Variants in PGS1 observed in about 807,000 individuals in gnomAD.
The protein encoded by PGS1 is CDP-diacylglycerol--glycerol-3-phosphate 3-phosphatidyltransferase, mitochondrial.
Under a neutral mutation model 58.3 loss-of-function variants are expected in PGS1, and 44 were observed. The observed-to-expected ratio is 0.75, with a 90% confidence interval of 0.59 to 0.97. PGS1 has a LOEUF of 0.97. PGS1 is among the 50% of genes least tolerant of loss of function. The pLI, the probability that PGS1 is intolerant of heterozygous loss-of-function variation, is 0.00. For synonymous variants in PGS1, 330 were observed against 311.0 expected, an observed-to-expected ratio of 1.06 and a Z score of -0.64; for missense variants, 684 against 731.1, an observed-to-expected ratio of 0.94 and a Z score of 0.74.
chr17:78,416,159 G>T (rs987961668), intron 8 of PGS1, among the ~76,000 whole-genome samples: 2 of 152,202 alleles, frequency 1.3e-5, no homozygotes, highest in African/African-American at 2.4e-5. Context: ...AAGAGGAAGT[G>T]AAGCGGTCAT....
chr17:78,398,182 G>A (rs990706353), intron 3 of PGS1, 70 bp from the exon 4 acceptor site: 51 of 1,128,782 alleles, frequency 4.5e-5, no homozygotes, highest in African/African-American at 9.2e-5. Context: ...CCGATGGGGC[G>A]ATTTGTTTTT....
intron 7 of PGS1, among the ~76,000 whole-genome samples, chr17:78,411,696 A>C (rs1801779151): frequency 6.6e-6 from 1 of 152,094 alleles, no homozygotes; most frequent in South Asian, 2.1e-4. Context: ...CCCAAAGGTC[A>C]GGCCCTGGGA....
intron 2 of PGS1, among the ~76,000 whole-genome samples, chr17:78,393,813 C>T (rs942504869): frequency 5.3e-5 from 8 of 152,170 alleles, no homozygotes; most frequent in Non-Finnish European, 2.9e-5. Context: ...GGTTAAACTG[C>T]TCATTGGAAT....
chr17:78,383,109 AATC>A (rs1673915187), intron 1 of PGS1, among the ~76,000 whole-genome samples: 1 of 152,152 alleles, frequency 6.6e-6, no homozygotes, highest in South Asian at 2.1e-4. Flanking sequence ...ATACATGCAG[AATC>A]ATCTTTATGT....
intron 7 of PGS1, among the ~76,000 whole-genome samples, chr17:78,411,975 G>T (rs2084755455): frequency 6.7e-6 from 1 of 148,812 alleles, no homozygotes; most frequent in South Asian, 2.1e-4. Context: ...TGCAGTGGGG[G>T]TAATCTTAGC....
chr17:78,421,595 G>T (rs1270827209), intron 9 of PGS1: 1 of 152,262 alleles, frequency 6.6e-6, no homozygotes, highest in Non-Finnish European at 1.5e-5. Flanking sequence ...TAGTTATTAC[G>T]GTGTCCTGTG....
chr17:78,424,003 A>T (rs1000467241), intron 9 of PGS1, 58 bp from the exon 10 acceptor site: 16 of 1,613,874 alleles, frequency 9.9e-6, no homozygotes, highest in Non-Finnish European at 1.1e-5. Flanking sequence ...GGGGCCGCGG[A>T]TGCGTGTTTT....
At chr17:78,391,911 A>G (rs2082865145) in intron 1 of PGS1, among the ~76,000 whole-genome samples, 2 of 152,338 alleles carry the variant, frequency 1.3e-5, no homozygotes, top group Non-Finnish European at 2.9e-5. Flanking sequence ...GGCCTGAGCC[A>G]CCATGCTCGG....
intron 1 of PGS1, among the ~76,000 whole-genome samples, chr17:78,386,961 T>C (rs1445874742): frequency 6.8e-6 from 1 of 146,356 alleles, no homozygotes; most frequent in Non-Finnish European, 1.5e-5. Context: ...ATGGTGATGA[T>C]GATGATGATG....
Position 78,424,330 on chromosome 17 carries a change from G to T in PGS1, c.*280G>T. The T allele has an allele frequency of 1.4e-6, 1 of 710,266 alleles. No individual in the cohort carries two copies. Among genetic ancestry groups the T allele is most frequent in the Non-Finnish European group, 2.2e-6 (1 of 446,470 alleles). The allele number at this position is 710,266 out of a possible 1,614,324, so 44.0% of individuals were successfully genotyped here. A position where few individuals can be genotyped will look rare whatever the true frequency, so the allele number is the denominator to read the frequency against. ...GGCCTTCGTAGGTGATGGCCTGCAT[G>T]TTGTAACTACCCCGTCCCGCTGGGC... On this transcript the variant is annotated 3_prime_UTR_variant, in exon 10 of 10. Transcript: ENST00000262764.
intron 1 of PGS1, among the ~76,000 whole-genome samples, chr17:78,391,504 G>A (rs1310375347): frequency 6.6e-6 from 1 of 152,038 alleles, no homozygotes; most frequent in East Asian, 1.9e-4. Flanking sequence ...TTGAGACAGA[G>A]TCTCGTTCTG....
intron 1 of PGS1, among the ~76,000 whole-genome samples, chr17:78,387,665 T>C (rs2082511150): frequency 6.9e-6 from 1 of 144,506 alleles, no homozygotes; most frequent in Non-Finnish European, 1.5e-5. Flanking sequence ...AGTGGCACAA[T>C]CTTGGCTCAC....
chr17:78,405,481 T>C (rs370629793), intron 7 of PGS1, among the ~76,000 whole-genome samples: 2 of 152,042 alleles, frequency 1.3e-5, no homozygotes, highest in Admixed American at 6.6e-5. Flanking sequence ...GTGGGGGTGG[T>C]AGGAAGAGGG....
chr17:78,411,902 CTT>C (rs35472026), intron 7 of PGS1, among the ~76,000 whole-genome samples: 6,212 of 57,192 alleles, frequency 0.11, 106 homozygotes, highest in Middle Eastern at 0.17. Flanking sequence ...AGGGCTCCTG[CTT>C]TTTTTTTTTT....
chr17:78,381,560 TATTCA>T (rs1043665908), intron 1 of PGS1, among the ~76,000 whole-genome samples: 1 of 152,226 alleles, frequency 6.6e-6, no homozygotes, highest in African/African-American at 2.4e-5. Context: ...TCTTCTCCAT[TATTCA>T]GTTGCACCTC....
At position 78,378,673 on chromosome 17, in the gene PGS1, T is replaced by TGGCGGC. The variant is rs752415030; in HGVS notation, c.12_17dup (p.Ala8_Ala9dup). ...CGGAAGCGGCGAGTCTCCATGGCGG[T>TGGCGGC]GGCGGCGGCAGCTGCGGCGGGACCC... On this transcript the variant is annotated inframe_insertion, in exon 1 of 10. Transcript: ENST00000262764. The TGGCGGC allele has an allele frequency of 7.2e-6, 11 of 1,533,682 alleles. No homozygotes were observed. Among genetic ancestry groups the TGGCGGC allele is most frequent in the African/African-American group, 2.9e-5 (2 of 70,112 alleles).
chr17:78,390,062 T>TCCCCCCCCCCCCCCCCCCCCCC (rs1555628316), intron 1 of PGS1, among the ~76,000 whole-genome samples: 26 of 128,598 alleles, frequency 2.0e-4, no homozygotes, highest in Non-Finnish European at 3.3e-4. Flanking sequence ...TGTTGCCTGT[T>TCCCCCCCCCCCCCCCCCCCCCC]CCCCCGCCCC....
chr17:78,419,634 T>C lies in PGS1; in HGVS notation c.1640T>C (p.Met547Thr). 1 of 1,614,066 alleles carries C rather than the reference T, an allele frequency of 6.2e-7. No individual in the cohort carries two copies. Among genetic ancestry groups the C allele is most frequent in the South Asian group, 1.1e-5 (1 of 91,078 alleles). ...PSRQVKLWVK[M>T]VTPLIKNFF ...CGCCAGGTGAAGCTGTGGGTGAAGA[T>C]GGTGACTCCACTGATCAAGAACTTC... Residue 547 changes from methionine to threonine, a missense_variant, in exon 9 of 10, where the codon ATG becomes ACG. Physicochemically the swap from Met to Thr is moderately conservative, Grantham distance 81. Transcript: ENST00000262764.
At chr17:78,385,250 C>T (rs898754558) in intron 1 of PGS1, among the ~76,000 whole-genome samples, 1 of 152,068 alleles carries the variant, frequency 6.6e-6, no homozygotes, top group Non-Finnish European at 1.5e-5. Flanking sequence ...TCCCAAGTAG[C>T]TGGGATTGCA....
Sources: gnomAD v4.1 joint callset for allele counts (sites outside exome capture counted in the v4.1 genomes callset) on GRCh38, gnomAD v4.1.1 for gene constraint, MANE v1.5 for transcripts, NCBI Gene and HGNC (gene_info 2026-07-23, HGNC 2026-07-21) for gene names.